PCDHA2: variants seen among roughly 807,000 people sequenced by gnomAD.
The protein encoded by PCDHA2 is protocadherin alpha-2.
Under a neutral mutation model 66.0 loss-of-function variants are expected in PCDHA2, and 58 were observed. That is an observed-to-expected ratio of 0.88 (90% CI 0.71 to 1.09). PCDHA2 has a LOEUF of 1.09. Among genes scored for constraint, PCDHA2 ranks in the 50% least tolerant of loss-of-function variants. PCDHA2 has a pLI of 0.00. For synonymous variants in PCDHA2, 634 were observed against 554.0 expected (o/e 1.14, Z -2.03); for missense variants, 1,267 against 1,242.3 (o/e 1.02, Z -0.30).
chr5:140,922,164 A>G lies in PCDHA2; in HGVS notation c.2389-56785A>G, dbSNP rs1382732959. Among the ~76,000 whole-genome samples the G allele has an allele frequency of 2.1e-5, 3 of 145,926 alleles. No individual in the cohort carries two copies. The East Asian group carries it at 6.4e-4, about 31-fold the overall frequency. Reference sequence around the variant, plus strand: ...CATGAAACTCATCAAAAACAACAAAAAGTACAGCAGACAAAAAAAAAGTCT... The same window carrying G: ...CATGAAACTCATCAAAAACAACAAAGAGTACAGCAGACAAAAAAAAAGTCT... On this transcript the variant is annotated intron_variant, in intron 1 of 3. Transcript: ENST00000526136.
chr5:140,829,995 G>A, intron 1 of PCDHA2: 6 of 1,613,982 alleles, frequency 3.7e-6, no homozygotes, highest in Non-Finnish European at 3.4e-6. Flanking sequence ...AGCACCACTC[G>A]TGTCCTGGAC....
At chr5:140,923,877 C>T (rs555626217) in intron 1 of PCDHA2, among the ~76,000 whole-genome samples, 5 of 152,284 alleles carry the variant, frequency 3.3e-5, no homozygotes, top group East Asian at 1.9e-4. Flanking sequence ...ATCTGAGAAG[C>T]GTGTGAAAGA....
chr5:140,852,214 AT>A lies in PCDHA2; in HGVS notation c.2388+54866del, dbSNP rs1374970785. 2.5e-5 allele frequency: 16 copies of A among 644,870 alleles called. No individual in the cohort carries two copies. The South Asian group carries it at 1.1e-3, about 44-fold the overall frequency. The allele number at this position is 644,870 out of a possible 1,614,324, so 39.9% of individuals were successfully genotyped here. A position where few individuals can be genotyped will look rare whatever the true frequency, so the allele number is the denominator to read the frequency against. On this transcript the variant is annotated intron_variant, in intron 1 of 3. Transcript: ENST00000526136. ...CAGTAACGTTTATTTAAAACAAAAT[AT>A]TTTAATTTTTAAATTTTCCCTTAAA... is the stretch of plus-strand genomic sequence containing the variant.
chr5:140,925,337 AT>A (rs1197479455), intron 1 of PCDHA2, among the ~76,000 whole-genome samples: 1 of 152,072 alleles, frequency 6.6e-6, no homozygotes, highest in Non-Finnish European at 1.5e-5. Flanking sequence ...TAAAAGAAGG[AT>A]TTGAGTGAGG....
rs1413835554 is a variant in PCDHA2 at position 140,804,863 on chromosome 5, T to C, written c.2388+7511T>C. 8 of 544,984 alleles carry C rather than the reference T, an allele frequency of 1.5e-5. No individual in the cohort carries two copies. The Admixed American group carries it at 1.9e-4, about 13-fold the overall frequency. 33.8% of individuals were successfully genotyped at this position (544,984 alleles called of 1,614,324 possible). The stretch of plus-strand genomic sequence containing the variant: ...AGTGTGGGAGGTCTAACACGTAAAA[T>C]AGATATTTTTCTTGACTCCTCTCCT... On this transcript the variant is annotated intron_variant, in intron 1 of 3. Coordinates refer to ENST00000526136, the MANE Select transcript of PCDHA2 (RefSeq NM_018905.3).
chr5:140,857,988 T>C lies in PCDHA2; in HGVS notation c.2388+60636T>C, dbSNP rs370495338. 30 of 1,596,780 alleles carry C rather than the reference T, an allele frequency of 1.9e-5. 3 individuals carry two copies. In the African/African-American group the frequency reaches 2.3e-4, roughly 12 times the overall value. On this transcript the variant is annotated intron_variant, in intron 1 of 3. Coordinates refer to ENST00000526136, the MANE Select transcript of PCDHA2 (RefSeq NM_018905.3). Reference sequence around the variant, plus strand: ...ACTGACTCGCCACGCCAGCGCCTACTGGTGCTGGTGAAGGACCATGGCGAG... The same window carrying C: ...ACTGACTCGCCACGCCAGCGCCTACCGGTGCTGGTGAAGGACCATGGCGAG...
At chr5:140,800,398 C>A (rs1297810590) in intron 1 of PCDHA2, among the ~76,000 whole-genome samples, 1 of 152,046 alleles carries the variant, frequency 6.6e-6, no homozygotes, top group Non-Finnish European at 1.5e-5. Flanking sequence ...ATTTAAAAAA[C>A]CATAAATGTA....
intron 1 of PCDHA2, chr5:140,830,527 A>G (rs2150187420): frequency 7.6e-7 from 1 of 1,307,954 alleles, no homozygotes; most frequent in Non-Finnish European, 1.0e-6. Context: ...TTTATTTTAA[A>G]TTTATAATTG....
Position 140,959,365 on chromosome 5 carries a change from C to A in PCDHA2, c.2389-19584C>A, listed in dbSNP as rs77362755. On this transcript the variant is annotated intron_variant, in intron 1 of 3. Transcript: ENST00000526136. ...ACTCCAGCGGGACAACTGAGTGAGA[C>A]CCTGTCTCAAAAAAAAAAGTCACAA... Among the ~76,000 whole-genome samples the A allele has an allele frequency of 1.0e-3, 158 of 151,880 alleles. 5 individuals carry two copies. In the East Asian group the frequency reaches 0.028, roughly 27 times the overall value.
At chr5:140,821,492 A>G (rs2150109637) in intron 1 of PCDHA2, 154 of 305,448 alleles carry the variant, frequency 5.0e-4, no homozygotes, top group Middle Eastern at 9.3e-4. Context: ...CTTGAGAAAT[A>G]TTGACGAATA....
chr5:140,876,106 C>G, intron 1 of PCDHA2: 1 of 1,613,942 alleles, frequency 6.2e-7, no homozygotes, highest in Admixed American at 1.7e-5. Context: ...CAATTTATTG[C>G]TGATGGTAAT....
chr5:140,969,826 A>G (rs782339572), intron 1 of PCDHA2, among the ~76,000 whole-genome samples: 24 of 152,344 alleles, frequency 1.6e-4, no homozygotes, highest in Middle Eastern at 3.4e-3. Flanking sequence ...TGGACTGTCT[A>G]CAGTGGAAAT....
chr5:140,824,954 A>G (rs1230853437), intron 1 of PCDHA2: 1 of 152,086 alleles, frequency 6.6e-6, no homozygotes, highest in East Asian at 1.9e-4. Context: ...TAAAAATTAT[A>G]TTTTTCATTT....
At chr5:140,838,260 C>A (rs1775624782) in intron 1 of PCDHA2, among the ~76,000 whole-genome samples, 1 of 147,458 alleles carries the variant, frequency 6.8e-6, no homozygotes, top group African/African-American at 2.5e-5. Context: ...ATTAAAGACG[C>A]CAACAACCAA....
chr5:140,999,019 A>C (rs782524233), intron 3 of PCDHA2, among the ~76,000 whole-genome samples: 1 of 152,208 alleles, frequency 6.6e-6, no homozygotes, highest in Non-Finnish European at 1.5e-5. Context: ...TGAACCCAAG[A>C]CTTTTGATAC....
chr5:140,986,401 C>T (rs782437347), intron 3 of PCDHA2, among the ~76,000 whole-genome samples: 1 of 152,172 alleles, frequency 6.6e-6, no homozygotes. Context: ...GCCAGTCGCT[C>T]ATGTTACAGC....
At chr5:140,875,467 T>G in intron 1 of PCDHA2, 2 of 1,600,082 alleles carry the variant, frequency 1.2e-6, no homozygotes, top group Non-Finnish European at 1.7e-6. Flanking sequence ...GCCCTCATTT[T>G]CTGCAATGGT....
chr5:140,904,162 A>G (rs1554191325), intron 1 of PCDHA2, among the ~76,000 whole-genome samples: 1 of 152,028 alleles, frequency 6.6e-6, no homozygotes, highest in Non-Finnish European at 1.5e-5. Context: ...CCCAGTTTGT[A>G]GTCTTTTATT....
intron 1 of PCDHA2, among the ~76,000 whole-genome samples, chr5:140,797,954 G>A (rs1286519848): frequency 6.6e-6 from 1 of 152,194 alleles, no homozygotes; most frequent in Admixed American, 6.5e-5. Context: ...CCGGGTTCAA[G>A]TGATTGTCTT....
Sources: allele counts gnomAD v4.1 joint callset (sites outside exome capture counted in the v4.1 genomes callset), GRCh38; gene constraint gnomAD v4.1.1; transcripts MANE v1.5; gene names NCBI Gene and HGNC (gene_info 2026-07-23, HGNC 2026-07-21).